ZNF83: variants seen among roughly 807,000 people sequenced by gnomAD.
ZNF83 encodes zinc finger protein 816B.
For synonymous variants in ZNF83, 209 were observed against 213.0 expected, an observed-to-expected ratio of 0.98 and a Z score of 0.17; for missense variants, 552 against 629.9, an observed-to-expected ratio of 0.88 and a Z score of 1.32.
At chr19:52,683,323 A>T (rs1240490535) in intron 1 of ZNF83, among the ~76,000 whole-genome samples, 3 of 150,766 alleles carry the variant, frequency 2.0e-5, no homozygotes, top group African/African-American at 4.9e-5. Flanking sequence ...CCAGTAGAGC[A>T]TCATCGCCAC....
chr19:52,658,980 G>A (rs1028100227), intron 2 of ZNF83, among the ~76,000 whole-genome samples: 3 of 152,180 alleles, frequency 2.0e-5, no homozygotes, highest in Admixed American at 1.3e-4. Flanking sequence ...GCTGCTCAGG[G>A]CCGGCTCTTG....
chr19:52,668,173 G>C (rs1482161325), intron 1 of ZNF83, among the ~76,000 whole-genome samples: 2 of 152,142 alleles, frequency 1.3e-5, no homozygotes, highest in Non-Finnish European at 2.9e-5. Context: ...GCCTGGGGAT[G>C]ACGTTCTCAT....
chr19:52,664,514 G>A (rs1049182573), intron 1 of ZNF83, among the ~76,000 whole-genome samples: 11 of 152,050 alleles, frequency 7.2e-5, no homozygotes, highest in African/African-American at 9.7e-5. Context: ...AAAAGAAGAA[G>A]AAGGAACCAC....
chr19:52,635,467 C>G (rs1320311284), intron 1 of ZNF83: 1 of 175,748 alleles, frequency 5.7e-6, no homozygotes, highest in African/African-American at 2.4e-5. Context: ...TGCCTGTCAT[C>G]CCAGCACTCT....
chr19:52,675,078 A>G (rs566594600), intron 1 of ZNF83, among the ~76,000 whole-genome samples: 3 of 152,358 alleles, frequency 2.0e-5, no homozygotes, highest in South Asian at 4.1e-4. Flanking sequence ...AGGGGCATCT[A>G]ATCACCAATG....
intron 1 of ZNF83, among the ~76,000 whole-genome samples, chr19:52,687,378 AATT>A (rs1391433147): frequency 1.7e-4 from 7 of 40,272 alleles, no homozygotes; most frequent in South Asian, 6.1e-4. Context: ...TATAAATTAT[AATT>A]TATATATATA....
chr19:52,638,730 G>A (rs2061239733), upstream of ZNF83, among the ~76,000 whole-genome samples: 1 of 152,208 alleles, frequency 6.6e-6, no homozygotes, highest in Non-Finnish European at 1.5e-5. Context: ...TCACTTGGGA[G>A]AGAGTCCACG....
chr19:52,618,100 T>C (rs1465625312), intron 2 of ZNF83: 1 of 152,222 alleles, frequency 6.6e-6, no homozygotes, highest in African/African-American at 2.4e-5. Context: ...TTGTTTTGTT[T>C]TTGTTTTTTG....
chr19:52,678,892 T>C (rs1728627033), intron 1 of ZNF83, among the ~76,000 whole-genome samples: 1 of 151,664 alleles, frequency 6.6e-6, no homozygotes, highest in African/African-American at 2.4e-5. Context: ...GGAGAATCAC[T>C]TGAACCCAGG....
At chr19:52,652,961 C>T in intron 3 of ZNF83, 1 of 1,288,228 alleles carries the variant, frequency 7.8e-7, no homozygotes, top group Non-Finnish European at 1.1e-6. Context: ...AAGGTCTTGC[C>T]ACACTCATTA....
At chr19:52,625,757 T>C (rs1390536796) in intron 2 of ZNF83, among the ~76,000 whole-genome samples, 1 of 152,112 alleles carries the variant, frequency 6.6e-6, no homozygotes. Flanking sequence ...TCCAGCCCCA[T>C]AAATAACAGT....
intron 1 of ZNF83, among the ~76,000 whole-genome samples, chr19:52,688,818 A>C (rs2062092232): frequency 6.6e-6 from 1 of 152,184 alleles, no homozygotes; most frequent in Non-Finnish European, 1.5e-5. Flanking sequence ...GTTTAAAAAT[A>C]AAAAGAAAAG....
At chr19:52,678,507 G>A (rs1199787160) in intron 1 of ZNF83, among the ~76,000 whole-genome samples, 1 of 150,076 alleles carries the variant, frequency 6.7e-6, no homozygotes, top group Non-Finnish European at 1.5e-5. Context: ...TGTTTCTTAT[G>A]TAAAAACAAG....
intron 3 of ZNF83, among the ~76,000 whole-genome samples, chr19:52,647,079 G>T (rs1454165130): frequency 6.6e-6 from 1 of 152,068 alleles, no homozygotes; most frequent in East Asian, 1.9e-4. Context: ...GATCTCTCCA[G>T]TCCTCTCATT....
chr19:52,618,268 T>G (rs539960011), intron 2 of ZNF83, among the ~76,000 whole-genome samples: 78 of 149,404 alleles, frequency 5.2e-4, no homozygotes, highest in Non-Finnish European at 1.0e-3. Flanking sequence ...ATTTTTGTGT[T>G]TTTTTTTTTT....
At chr19:52,644,179 C>CTTT (rs35109145) in intron 3 of ZNF83, among the ~76,000 whole-genome samples, 3 of 147,450 alleles carry the variant, frequency 2.0e-5, no homozygotes, top group Admixed American at 6.7e-5. Context: ...TTCCATTCTT[C>CTTT]TTTTTTTTTT....
intron 1 of ZNF83, chr19:52,635,435 A>G (rs760158672): frequency 5.1e-6 from 1 of 196,048 alleles, no homozygotes; most frequent in Non-Finnish European, 1.0e-5. Flanking sequence ...AACCCCATGC[A>G]GAAACTGGGT....
At chr19:52,683,599 C>T (rs1235514348) in intron 1 of ZNF83, among the ~76,000 whole-genome samples, 1 of 151,732 alleles carries the variant, frequency 6.6e-6, no homozygotes, top group East Asian at 2.0e-4. Context: ...GACCTGGGAG[C>T]TGGAGTGAGG....
chr19:52,614,135 T>TA, exon 3 of ZNF83: 1 of 1,614,176 alleles, frequency 6.2e-7, no homozygotes, highest in Non-Finnish European at 8.5e-7. Flanking sequence ...TTCTCTCCAG[T>TA]ATGAATTCTT....
Sources: gnomAD v4.1 joint callset for allele counts (sites outside exome capture counted in the v4.1 genomes callset) on GRCh38, gnomAD v4.1.1 for gene constraint, MANE v1.5 for transcripts, NCBI Gene and HGNC (gene_info 2026-07-23, HGNC 2026-07-21) for gene names.